CSMD1: variants seen among roughly 807,000 people sequenced by gnomAD.
The protein encoded by CSMD1 is CUB and Sushi multiple domains 1, also known as CUB and sushi domain-containing protein 1.
Under a neutral mutation model 417.5 loss-of-function variants are expected in CSMD1, and 213 were observed. The ratio of observed to expected loss-of-function variants is 0.51; its 90% CI spans 0.46 to 0.57. The LOEUF (loss-of-function observed/expected upper bound fraction) is 0.57, where lower values mean the gene tolerates loss of function less well. Ranked by LOEUF, CSMD1 falls within the 20% of genes least tolerant of loss-of-function variation. The pLI is 0.00. For synonymous variants in CSMD1, 2,862 were observed against 1,736.8 expected (o/e 1.65, Z -16.11); for missense variants, 6,923 against 4,529.7 (o/e 1.53, Z -15.17).
intron 8 of CSMD1, among the ~76,000 whole-genome samples, chr8:3,601,228 T>C (rs1225140830): frequency 1.3e-5 from 2 of 152,172 alleles, no homozygotes; most frequent in East Asian, 3.9e-4. Context: ...ATCTTTATTA[T>C]TTTTCCAAGA....
chr8:4,435,840 CAAA>C (rs1391593559), intron 2 of CSMD1, among the ~76,000 whole-genome samples: 1 of 152,160 alleles, frequency 6.6e-6, no homozygotes, highest in Non-Finnish European at 1.5e-5. Flanking sequence ...TGTGTGACTC[CAAA>C]GCTCACCTTC....
intron 5 of CSMD1, among the ~76,000 whole-genome samples, chr8:3,951,378 T>C (rs1443651032): frequency 6.6e-6 from 1 of 152,230 alleles, no homozygotes; most frequent in African/African-American, 2.4e-5. Context: ...ATAAGTTTGT[T>C]AATTAAATGA....
At chr8:3,670,097 A>T (rs566379775) in intron 7 of CSMD1, among the ~76,000 whole-genome samples, 1 of 152,130 alleles carries the variant, frequency 6.6e-6, no homozygotes, top group South Asian at 2.1e-4. Flanking sequence ...GGATTAAAGG[A>T]TGCAAAGTGT....
chr8:4,456,692 G>T (rs1475630652), intron 2 of CSMD1, among the ~76,000 whole-genome samples: 1 of 152,090 alleles, frequency 6.6e-6, no homozygotes, highest in Admixed American at 6.5e-5. Flanking sequence ...TGCTGGCTCT[G>T]GTGGAAGAAA....
intron 10 of CSMD1, among the ~76,000 whole-genome samples, chr8:3,501,554 G>A (rs192958232): frequency 6.6e-6 from 1 of 152,266 alleles, no homozygotes; most frequent in Admixed American, 6.5e-5. Flanking sequence ...ATAACTGTAG[G>A]TTTGAAATTA....
rs542415508 is a variant in CSMD1 at position 4,984,270 on chromosome 8, G to C, written c.85+10062C>G. 6.6e-5 allele frequency among the ~76,000 whole-genome samples: 10 copies of C among 152,190 alleles called. No individual in the cohort carries two copies. In the South Asian group the frequency reaches 2.1e-3, roughly 32 times the overall value. On this transcript the variant is annotated intron_variant, in intron 1 of 69. Coordinates refer to ENST00000635120, the MANE Select transcript of CSMD1 (RefSeq NM_033225.6). ...CTAATGTTCTAGCTTCCAATAAGTA[G>C]ATGATGTTCAAACAAACATATGACC...
intron 20 of CSMD1, among the ~76,000 whole-genome samples, chr8:3,366,447 A>T (rs1339726983): frequency 6.6e-6 from 1 of 152,198 alleles, no homozygotes; most frequent in East Asian, 1.9e-4. Context: ...CATACAAATA[A>T]TTTCTGCTGT....
chr8:2,944,680 A>G (rs1282249567), intron 68 of CSMD1, among the ~76,000 whole-genome samples: 2 of 152,024 alleles, frequency 1.3e-5, no homozygotes, highest in African/African-American at 4.8e-5. Context: ...TGCTCAATAT[A>G]TATTTGCAAA....
intron 26 of CSMD1, among the ~76,000 whole-genome samples, chr8:3,283,156 T>C (rs550249001): frequency 6.6e-6 from 1 of 152,266 alleles, no homozygotes; most frequent in East Asian, 1.9e-4. Context: ...CTCTGTCATA[T>C]TAGCTTCTTG....
intron 2 of CSMD1, among the ~76,000 whole-genome samples, chr8:4,482,400 C>A (rs531309320): frequency 3.4e-4 from 51 of 152,168 alleles, no homozygotes; most frequent in Non-Finnish European, 7.2e-4. Flanking sequence ...CCAGCTCCAT[C>A]CATGCTCCTG....
At chr8:3,315,458 G>GTA (rs1805685461) in intron 23 of CSMD1, among the ~76,000 whole-genome samples, 1 of 149,236 alleles carries the variant, frequency 6.7e-6, no homozygotes, top group Non-Finnish European at 1.5e-5. Context: ...GTGTGTGTGT[G>GTA]TGTGATTTTT....
intron 1 of CSMD1, among the ~76,000 whole-genome samples, chr8:4,791,779 C>T (rs1223682839): frequency 6.6e-6 from 1 of 152,178 alleles, no homozygotes; most frequent in Non-Finnish European, 1.5e-5. Flanking sequence ...CTAAACATTT[C>T]ACTTTGAGAT....
At chr8:4,460,248 G>C (rs145995851) in intron 2 of CSMD1, among the ~76,000 whole-genome samples, 1 of 152,120 alleles carries the variant, frequency 6.6e-6, no homozygotes, top group South Asian at 2.1e-4. Context: ...ACCCAAAGGA[G>C]TTAAAGAAAT....
At chr8:4,246,335 C>G (rs6995424) in intron 3 of CSMD1, among the ~76,000 whole-genome samples, 14,861 of 152,110 alleles carry the variant, frequency 0.098, 1,053 homozygotes, top group East Asian at 0.36. Context: ...CATCCACGTC[C>G]TTGCAAAGGA....
chr8:3,638,816 C>G (rs1797169356), intron 7 of CSMD1, among the ~76,000 whole-genome samples: 1 of 152,156 alleles, frequency 6.6e-6, no homozygotes, highest in Non-Finnish European at 1.5e-5. Flanking sequence ...CTCCCTCTCT[C>G]CTTCCTCACA....
intron 50 of CSMD1, among the ~76,000 whole-genome samples, chr8:3,038,813 C>G (rs549820477): frequency 6.6e-6 from 1 of 152,074 alleles, no homozygotes; most frequent in Admixed American, 6.6e-5. Flanking sequence ...ATGATGAAGA[C>G]GACCTTAAAC....
intron 1 of CSMD1, among the ~76,000 whole-genome samples, chr8:4,890,881 G>A (rs940598863): frequency 2.6e-5 from 4 of 152,190 alleles, no homozygotes; most frequent in Admixed American, 1.3e-4. Flanking sequence ...CATGATTTCA[G>A]CCAAACCCCT....
chr8:3,181,174 T>C lies in CSMD1; in HGVS notation c.5661A>G (p.Gln1887=). The C allele has an allele frequency of 6.2e-7, 1 of 1,613,474 alleles. No homozygotes were observed. The highest frequency in any genetic ancestry group is 8.5e-7 in the Non-Finnish European group (1 of 1,179,792). ...VPALLNSTSN[Q]LYLHFQSDIS... The stretch of plus-strand genomic sequence containing the variant: ...TGTCAGACTGGAAATGCAGGTAGAG[T>C]TGGTTGGAAGTACTGTTCAGCAGTG... Residue 1887 remains glutamine, a synonymous_variant, in exon 37 of 70, where the codon CAA becomes CAG. Transcript: ENST00000635120.
intron 23 of CSMD1, among the ~76,000 whole-genome samples, chr8:3,320,013 C>T (rs1806047856): frequency 3.3e-5 from 5 of 152,112 alleles, no homozygotes; most frequent in Admixed American, 3.3e-4. Flanking sequence ...TAGACCGGGC[C>T]CCAACTTCAG....
Sources: gnomAD v4.1 joint callset for allele counts (sites outside exome capture counted in the v4.1 genomes callset) on GRCh38, gnomAD v4.1.1 for gene constraint, MANE v1.5 for transcripts, NCBI Gene and HGNC (gene_info 2026-07-23, HGNC 2026-07-21) for gene names.